The following TLN2 variants were observed in gnomAD, a reference collection of about 807,000 sequenced individuals.
TLN2 encodes talin 2, also known as talin-2.
Under a neutral mutation model 294.7 loss-of-function variants are expected in TLN2, and 118 were observed. The observed-to-expected ratio is 0.40, with a 90% CI of 0.34 to 0.47. The LOEUF is 0.47. Ranked by LOEUF, TLN2 falls within the 20% of genes least tolerant of loss-of-function variation. The pLI is 0.84. For synonymous variants in TLN2, 1,431 were observed against 1,304.5 expected, an observed-to-expected ratio of 1.10 and a Z score of -2.09; for missense variants, 3,083 against 3,282.2, an observed-to-expected ratio of 0.94 and a Z score of 1.48.
At chr15:62,713,132 G>T (rs1221967221) in intron 22 of TLN2, among the ~76,000 whole-genome samples, 1 of 151,892 alleles carries the variant, frequency 6.6e-6, no homozygotes, top group Non-Finnish European at 1.5e-5. Flanking sequence ...AACTGGGCAT[G>T]GTGGTGTTCG....
intron 40 of TLN2, among the ~76,000 whole-genome samples, chr15:62,765,551 A>C (rs141496971): frequency 1.3e-5 from 2 of 152,022 alleles, no homozygotes; most frequent in Admixed American, 1.3e-4. Context: ...TGATGCATTA[A>C]TCCTGTATCT....
chr15:62,656,148 C>G, intron 8 of TLN2, 62 bp downstream of exon 8: 1 of 1,591,368 alleles, frequency 6.3e-7, no homozygotes, highest in Non-Finnish European at 8.6e-7. Flanking sequence ...CTGGCTGTAT[C>G]TTGTGGCGAG....
chr15:62,511,673 A>G (rs1410989767), intron 1 of TLN2, among the ~76,000 whole-genome samples: 2 of 151,532 alleles, frequency 1.3e-5, no homozygotes, highest in African/African-American at 4.9e-5. Context: ...GGTATGCTTC[A>G]TGGAGTTCAC....
At position 62,792,526 on chromosome 15, in the gene TLN2, G is replaced by A. The variant is rs1025410245; in HGVS notation, c.5737-115G>A. On this transcript the variant is annotated intron_variant, in intron 45 of 58. Transcript: ENST00000636159. ...CCAAACACAGACTCCTAATAGGAGT[G>A]GAATTTTCCTAGCCAGGCTCCCATA... 17 of 1,395,588 alleles carry A rather than the reference G, an allele frequency of 1.2e-5. No individual in the cohort carries two copies. In the African/African-American group the frequency reaches 2.2e-4, roughly 18 times the overall value. The allele number at this position is 1,395,588 out of a possible 1,614,324, so 86.5% of individuals were successfully genotyped here.
chr15:62,510,491 A>T (rs1196992475), intron 1 of TLN2, among the ~76,000 whole-genome samples: 1 of 152,270 alleles, frequency 6.6e-6, no homozygotes, highest in African/African-American at 2.4e-5. Context: ...TATATGTATC[A>T]TATTTAAATC....
rs529956415 is a variant in TLN2, at chr15:62,423,472, A to G, written c.-238+32787A>G. The stretch of plus-strand genomic sequence containing the variant: ...CAGCACCTATCCCTGTACCTGACCT[A>G]TAGCAGGTGTCTTGCAAATGTGCGT... On this transcript the variant is annotated intron_variant, in intron 1 of 58. Transcript: ENST00000636159. 5.9e-5 allele frequency among the ~76,000 whole-genome samples: 9 copies of G among 152,306 alleles called. No individual in the cohort carries two copies. In the South Asian group the frequency reaches 1.7e-3, roughly 28 times the overall value.
intron 1 of TLN2, among the ~76,000 whole-genome samples, chr15:62,575,871 C>T (rs773177351): frequency 7.2e-5 from 11 of 152,270 alleles, no homozygotes; most frequent in Non-Finnish European, 1.6e-4. Context: ...CCCTGCCTTG[C>T]GGTAGAATCA....
At chr15:62,599,997 G>GT (rs1349796710) in intron 2 of TLN2, among the ~76,000 whole-genome samples, 1 of 152,128 alleles carries the variant, frequency 6.6e-6, no homozygotes, top group African/African-American at 2.4e-5. Flanking sequence ...GGGGTCTCTG[G>GT]TAGATGACAA....
chr15:62,515,945 C>T (rs985023023), intron 1 of TLN2, among the ~76,000 whole-genome samples: 1 of 152,140 alleles, frequency 6.6e-6, no homozygotes, highest in African/African-American at 2.4e-5. Context: ...GCTGCTGAAC[C>T]CCCTATGCAA....
At chr15:62,775,891 TA>T (rs2063690322) in intron 42 of TLN2, among the ~76,000 whole-genome samples, 1 of 152,254 alleles carries the variant, frequency 6.6e-6, no homozygotes, top group Non-Finnish European at 1.5e-5. Context: ...ACTGCCCTTA[TA>T]AATGGCAAGG....
chr15:62,680,687 G>A (rs1037732525), intron 11 of TLN2, among the ~76,000 whole-genome samples: 12 of 151,904 alleles, frequency 7.9e-5, no homozygotes, highest in African/African-American at 2.2e-4. Flanking sequence ...CACCCAAGCA[G>A]TGTACATTAT....
At chr15:62,699,612 A>G (rs2058586256) in intron 16 of TLN2, among the ~76,000 whole-genome samples, 1 of 152,240 alleles carries the variant, frequency 6.6e-6, no homozygotes, top group African/African-American at 2.4e-5. Flanking sequence ...CAGGACCAGC[A>G]GCATTGGCAA....
chr15:62,777,430 G>A (rs1195497362), intron 43 of TLN2, among the ~76,000 whole-genome samples: 1 of 151,988 alleles, frequency 6.6e-6, no homozygotes, highest in East Asian at 1.9e-4. Context: ...CAGCTACTCA[G>A]GAGGCTGAGG....
At chr15:62,463,204 C>G (rs2036911062) in intron 1 of TLN2, among the ~76,000 whole-genome samples, 1 of 152,212 alleles carries the variant, frequency 6.6e-6, no homozygotes, top group African/African-American at 2.4e-5. Flanking sequence ...AACTGTCCCT[C>G]TTACAGAGCA....
chr15:62,663,246 A>G (rs1349154721), intron 9 of TLN2, among the ~76,000 whole-genome samples: 1 of 152,176 alleles, frequency 6.6e-6, no homozygotes, highest in Non-Finnish European at 1.5e-5. Flanking sequence ...TACTGGAGAG[A>G]AAGAATTTCA....
chr15:62,569,755 A>G (rs2043710491), intron 1 of TLN2, among the ~76,000 whole-genome samples: 2 of 152,224 alleles, frequency 1.3e-5, no homozygotes, highest in South Asian at 4.1e-4. Flanking sequence ...TAGGATAGGC[A>G]CGGCTGAATT....
chr15:62,580,981 C>T (rs1370887264), intron 1 of TLN2, among the ~76,000 whole-genome samples: 2 of 151,320 alleles, frequency 1.3e-5, no homozygotes. Context: ...CCTCCCAGGT[C>T]CAAGTGATTC....
At chr15:62,839,061 C>G (rs972220607) in intron 58 of TLN2, 80 bp downstream of exon 58, 26 of 1,532,072 alleles carry the variant, frequency 1.7e-5, no homozygotes, top group Non-Finnish European at 2.0e-5. Flanking sequence ...ATAGTGACTT[C>G]AAGATGAAAG....
At chr15:62,659,244 T>A (rs1466979400) in intron 9 of TLN2, among the ~76,000 whole-genome samples, 1 of 152,162 alleles carries the variant, frequency 6.6e-6, no homozygotes, top group African/African-American at 2.4e-5. Flanking sequence ...GAGAGAGAAG[T>A]GGCTTGTTCA....
Sources: allele counts gnomAD v4.1 joint callset (sites outside exome capture counted in the v4.1 genomes callset), GRCh38; gene constraint gnomAD v4.1.1; transcripts MANE v1.5; gene names NCBI Gene and HGNC (gene_info 2026-07-23, HGNC 2026-07-21).